The following GHR variants were observed in gnomAD, a reference collection of about 807,000 sequenced individuals.
GHR encodes the protein growth hormone receptor, also known as GH receptor.
In GHR, 35 loss-of-function variants were observed where a neutral mutation model predicts 67.1. The observed-to-expected ratio is 0.52, with a 90% CI of 0.40 to 0.69. GHR has a LOEUF of 0.69. GHR is among the 30% of genes least tolerant of loss of function. GHR has a pLI of 0.00. For missense variants in GHR, 792 were observed against 764.6 expected (o/e 1.04, Z -0.42); for synonymous variants, 272 against 269.1 (o/e 1.01, Z -0.10).
chr5:42,521,556 C>T (rs115037546), intron 1 of GHR, among the ~76,000 whole-genome samples: 94 of 152,320 alleles, frequency 6.2e-4, no homozygotes, highest in Non-Finnish European at 9.3e-4. Flanking sequence ...TGAAACATTT[C>T]TGTCACATTT....
At chr5:42,672,745 T>C (rs1756378087) in intron 3 of GHR, among the ~76,000 whole-genome samples, 1 of 152,230 alleles carries the variant, frequency 6.6e-6, no homozygotes, top group African/African-American at 2.4e-5. Context: ...CTATAAGATA[T>C]ATATTATATC....
chr5:42,467,396 C>G, intron 1 of GHR: 1 of 929,384 alleles, frequency 1.1e-6, no homozygotes, highest in Non-Finnish European at 1.8e-6. Context: ...GGCTTCTCCC[C>G]AGTGTGGATC....
At position 42,720,672 on chromosome 5, in the gene GHR, A is replaced by G. The variant is rs891119204; in HGVS notation, c.*1248A>G. On this transcript the variant is annotated 3_prime_UTR_variant, in exon 10 of 10. Transcript: ENST00000230882. Reference sequence around the variant, plus strand: ...CATTTTTCATGATAATGAACAGAACATAGACAGAAGAAACAAGGTTTTCAG... The same window carrying G: ...CATTTTTCATGATAATGAACAGAACGTAGACAGAAGAAACAAGGTTTTCAG... 3 of 152,238 alleles carry G rather than the reference A, an allele frequency of 2.0e-5. No homozygotes were observed. Among genetic ancestry groups the G allele is most frequent in the African/African-American group, 7.2e-5 (3 of 41,460 alleles). The allele number at this position is 152,238 out of a possible 1,614,324, so 9.4% of individuals were successfully genotyped here. A position where few individuals can be genotyped will look rare whatever the true frequency, so the allele number is the denominator to read the frequency against.
intron 1 of GHR, among the ~76,000 whole-genome samples, chr5:42,465,007 T>A (rs1744663446): frequency 6.6e-6 from 1 of 152,260 alleles, no homozygotes; most frequent in Non-Finnish European, 1.5e-5. Flanking sequence ...GTTTGTTTCC[T>A]ATTGTCAATT....
At position 42,565,914 on chromosome 5, in the gene GHR, G is replaced by GGATCAA; in HGVS notation, c.42_47dup (p.Ser15_Ser16insArgSer). ...GCTGCTGTTGACCTTGGCACTGGCA[G>GGATCAA]GATCAAGTGATGCTTTTTCTGGAAG... On this transcript the variant is annotated inframe_insertion, in exon 2 of 10. Coordinates refer to ENST00000230882, the MANE Select transcript of GHR (RefSeq NM_000163.5). The GGATCAA allele has an allele frequency of 6.2e-7, 1 of 1,614,110 alleles. No homozygotes were observed. Among genetic ancestry groups the GGATCAA allele is most frequent in the Non-Finnish European group, 8.5e-7 (1 of 1,179,952 alleles).
intron 4 of GHR, among the ~76,000 whole-genome samples, chr5:42,690,246 G>C (rs537106758): frequency 6.6e-5 from 10 of 152,330 alleles, no homozygotes; most frequent in African/African-American, 2.4e-4. Context: ...AAGGGTATGA[G>C]CTCAGGGCTA....
chr5:42,514,349 C>G, intron 1 of GHR: 1 of 980,032 alleles, frequency 1.0e-6, no homozygotes, highest in Non-Finnish European at 1.2e-6. Context: ...TCCAGCCTTG[C>G]TCCTCTGATA....
chr5:42,531,982 C>CT (rs762664385), intron 1 of GHR, among the ~76,000 whole-genome samples: 3,198 of 142,860 alleles, frequency 0.022, 156 homozygotes, highest in East Asian at 0.13. Flanking sequence ...AGAAAAATAG[C>CT]TTTTTTTTTT....
In GHR at chr5:42,424,746, G is replaced by A. The variant is rs1742774143; in HGVS notation, c.-12+791G>A. 2 of 899,720 alleles carry A rather than the reference G, an allele frequency of 2.2e-6. No homozygotes were observed. The highest frequency in any genetic ancestry group is 2.6e-5 in the East Asian group (1 of 38,022). The allele number at this position is 899,720 out of a possible 1,614,324, so 55.7% of individuals were successfully genotyped here. On this transcript the variant is annotated intron_variant, in intron 1 of 9. Coordinates refer to ENST00000230882, the MANE Select transcript of GHR (RefSeq NM_000163.5). The surrounding 1 kb of genome is among the most constrained non-coding windows in gnomAD (Gnocchi z 4.1). ...TGTCTAGGGAGAGGGCGCTGGCGGCGCAGAGGGTGCGGGGCAGGGCACTTG... is the reference window on the plus strand; with the variant it reads ...TGTCTAGGGAGAGGGCGCTGGCGGCACAGAGGGTGCGGGGCAGGGCACTTG...
chr5:42,452,223 A>T (rs1744080957), intron 1 of GHR, among the ~76,000 whole-genome samples: 1 of 152,252 alleles, frequency 6.6e-6, no homozygotes, highest in Non-Finnish European at 1.5e-5. Context: ...GGCTAAAGAT[A>T]GGACCCTGCT....
intron 2 of GHR, among the ~76,000 whole-genome samples, chr5:42,596,489 A>C (rs998683320): frequency 1.6e-4 from 24 of 152,206 alleles, no homozygotes; most frequent in African/African-American, 5.3e-4. Context: ...TTCACACTGT[A>C]GGGCAGCACA....
At chr5:42,680,620 C>T (rs1486201603) in intron 3 of GHR, among the ~76,000 whole-genome samples, 2 of 152,032 alleles carry the variant, frequency 1.3e-5, no homozygotes. Context: ...TCTTGTGCCT[C>T]AGCCTCTCTG....
At chr5:42,598,564 A>C (rs530864347) in intron 2 of GHR, among the ~76,000 whole-genome samples, 1 of 152,214 alleles carries the variant, frequency 6.6e-6, no homozygotes, top group Non-Finnish European at 1.5e-5. Context: ...AGTAGTCTTC[A>C]TATTTATTCT....
chr5:42,486,879 T>G (rs1302881330), intron 1 of GHR, among the ~76,000 whole-genome samples: 2 of 151,884 alleles, frequency 1.3e-5, no homozygotes. Flanking sequence ...CAAATTTAAC[T>G]TTTTTTAATG....
chr5:42,535,160 T>G (rs1748201996), intron 1 of GHR, among the ~76,000 whole-genome samples: 1 of 152,172 alleles, frequency 6.6e-6, no homozygotes, highest in Non-Finnish European at 1.5e-5. Flanking sequence ...GCTCTTTAGT[T>G]TAAGTCCCAA....
At chr5:42,508,982 G>A (rs1398026968) in intron 1 of GHR, among the ~76,000 whole-genome samples, 1 of 152,182 alleles carries the variant, frequency 6.6e-6, no homozygotes, top group African/African-American at 2.4e-5. Context: ...TTGTATCTAT[G>A]GGTGGTTATT....
chr5:42,607,038 A>G lies in GHR; in HGVS notation c.71-22000A>G, dbSNP rs189581830. Among the ~76,000 whole-genome samples the G allele has an allele frequency of 5.7e-4, 87 of 152,202 alleles. 1 individual carries two copies. In the East Asian group the frequency reaches 0.014, roughly 24 times the overall value. On this transcript the variant is annotated intron_variant, in intron 2 of 9. Transcript: ENST00000230882. The stretch of plus-strand genomic sequence containing the variant: ...TCTTCCAAGCATTCTCATGATAGTG[A>G]GTGAGCTCTCACAAGAGCTGATGAA...
intron 6 of GHR, among the ~76,000 whole-genome samples, chr5:42,705,894 C>A (rs1429701666): frequency 2.0e-5 from 3 of 152,016 alleles, no homozygotes; most frequent in Admixed American, 6.6e-5. Context: ...GTTTATATTC[C>A]TTCAGGTATA....
At chr5:42,576,363 C>T (rs1410570238) in intron 2 of GHR, among the ~76,000 whole-genome samples, 1 of 151,884 alleles carries the variant, frequency 6.6e-6, no homozygotes, top group African/African-American at 2.4e-5. Flanking sequence ...TTGCTGAATA[C>T]AATTAGTCAA....
Sources: allele counts gnomAD v4.1 joint callset (sites outside exome capture counted in the v4.1 genomes callset), GRCh38; gene constraint gnomAD v4.1.1; non-coding constraint Gnocchi (gnomAD v3.1); transcripts MANE v1.5; gene names NCBI Gene and HGNC (gene_info 2026-07-23, HGNC 2026-07-21).